Variants in ACYP2 observed in about 807,000 individuals in gnomAD.
ACYP2 encodes the protein acylphosphatase 2.
Under a neutral mutation model 11.2 loss-of-function variants are expected in ACYP2, and 12 were observed. The ratio of observed to expected loss-of-function variants is 1.08; its 90% CI spans 0.69 to 1.74. ACYP2 has a LOEUF of 1.74. Among genes scored for constraint, ACYP2 ranks in the 40% most tolerant of loss-of-function variants. The probability of loss-of-function intolerance (pLI) is 0.00; values close to 1 mark genes in which losing one functional copy is unlikely to be tolerated. For synonymous variants in ACYP2, 43 were observed against 32.2 expected (o/e 1.33, Z -1.13); for missense variants, 134 against 101.9 (o/e 1.31, Z -1.35).
At position 54,249,949 on chromosome 2, in the gene ACYP2, A is replaced by G. The variant is rs913530576; in HGVS notation, c.405-54739A>G. Among the ~76,000 whole-genome samples, 6 of 150,220 alleles carry G rather than the reference A, an allele frequency of 4.0e-5. 1 individual carries two copies. In the South Asian group the frequency reaches 1.2e-3, roughly 31 times the overall value. Reference sequence around the variant, plus strand: ...GAGCAAGACCCTGTCTCAAAAAAAAAAAAAAAAAAAAAAAAAAGAAAACTC... The same window carrying G: ...GAGCAAGACCCTGTCTCAAAAAAAAGAAAAAAAAAAAAAAAAAGAAAACTC... On this transcript the variant is annotated intron_variant, in intron 6 of 6. Transcript: ENST00000607452.
At position 54,185,877 on chromosome 2, in the gene ACYP2, A is replaced by T. The variant is rs563145720; in HGVS notation, c.404+47129A>T. ...AATATGAAGGTGTAGGATCGTCTTG[A>T]AGTATTTAAAACATTATATGCCAAG... On this transcript the variant is annotated intron_variant, in intron 6 of 6. Transcript: ENST00000607452. Among the ~76,000 whole-genome samples, 31 of 152,222 alleles carry T rather than the reference A, an allele frequency of 2.0e-4. No homozygotes were observed. The South Asian group carries it at 6.4e-3, about 32-fold the overall frequency.
At chr2:54,070,898 ATTTG>A (rs112798436) in intron 4 of ACYP2, among the ~76,000 whole-genome samples, 18,022 of 150,174 alleles carry the variant, frequency 0.12, 1,113 homozygotes, top group East Asian at 0.28. Context: ...ACACCCAGCT[ATTTG>A]TTTGTTTGTT....
intron 3 of ACYP2, chr2:54,051,503 G>A (rs1162764167): frequency 7.1e-6 from 5 of 706,380 alleles, no homozygotes; most frequent in Non-Finnish European, 5.2e-6. Context: ...ACTCCTTTGG[G>A]CTTTTTTTCT....
intron 2 of ACYP2, among the ~76,000 whole-genome samples, chr2:53,980,842 C>T (rs1268206612): frequency 6.6e-6 from 1 of 152,018 alleles, no homozygotes; most frequent in African/African-American, 2.4e-5. Context: ...GGGTTAACCT[C>T]CCTAGGCTCA....
intron 6 of ACYP2, among the ~76,000 whole-genome samples, chr2:54,232,210 C>G (rs1686264885): frequency 6.6e-6 from 1 of 152,160 alleles, no homozygotes; most frequent in Non-Finnish European, 1.5e-5. Context: ...CTGTCTTCCT[C>G]CATGGCTCTG....
chr2:54,179,334 G>A (rs1344257042), intron 6 of ACYP2, among the ~76,000 whole-genome samples: 1 of 152,132 alleles, frequency 6.6e-6, no homozygotes, highest in Non-Finnish European at 1.5e-5. Flanking sequence ...CTCCAATTCA[G>A]TTCTGACACT....
intron 2 of ACYP2, chr2:53,975,241 T>C (rs1016191500): frequency 9.0e-5 from 35 of 387,346 alleles, no homozygotes; most frequent in Non-Finnish European, 1.4e-4. Flanking sequence ...AAAAAAAAAA[T>C]TCAGAGAAGC....
At chr2:53,989,057 G>T (rs1672160416) in intron 2 of ACYP2, among the ~76,000 whole-genome samples, 1 of 151,298 alleles carries the variant, frequency 6.6e-6, no homozygotes, top group Non-Finnish European at 1.5e-5. Flanking sequence ...CTGTAATTCA[G>T]TTTTAAATAA....
chr2:54,273,154 TAAATAG>T (rs765574936), intron 6 of ACYP2, among the ~76,000 whole-genome samples: 2 of 151,680 alleles, frequency 1.3e-5, no homozygotes, highest in Non-Finnish European at 2.9e-5. Context: ...TCAAATTTAA[TAAATAG>T]AGTCTGTCCA....
chr2:54,100,554 C>A (rs1351369640), intron 4 of ACYP2, among the ~76,000 whole-genome samples: 1 of 151,962 alleles, frequency 6.6e-6, no homozygotes, highest in Admixed American at 6.6e-5. Context: ...AGAGATCATC[C>A]TGCCTCACTT....
intron 6 of ACYP2, among the ~76,000 whole-genome samples, chr2:54,205,491 T>C (rs1685038362): frequency 6.6e-6 from 1 of 152,222 alleles, no homozygotes; most frequent in South Asian, 2.1e-4. Flanking sequence ...CTACTCCTAT[T>C]ATACATCTAC....
intron 6 of ACYP2, among the ~76,000 whole-genome samples, chr2:54,144,820 C>G (rs1489037264): frequency 6.6e-6 from 1 of 151,890 alleles, no homozygotes; most frequent in Admixed American, 6.6e-5. Flanking sequence ...TTTTAAAAAA[C>G]AGCTTTTAGA....
intron 6 of ACYP2, among the ~76,000 whole-genome samples, chr2:54,288,536 C>G (rs1432053327): frequency 6.6e-6 from 1 of 152,014 alleles, no homozygotes; most frequent in Non-Finnish European, 1.5e-5. Flanking sequence ...GTGCATTTCC[C>G]TCAAAAGGAA....
intron 4 of ACYP2, among the ~76,000 whole-genome samples, chr2:54,073,611 G>A (rs77718386): frequency 0.026 from 3,969 of 152,040 alleles, 167 homozygotes; most frequent in African/African-American, 0.092. Context: ...TCATAGAAGG[G>A]GAGAAAATTT....
At chr2:54,004,534 C>G (rs1249964702) in intron 2 of ACYP2, among the ~76,000 whole-genome samples, 2 of 150,220 alleles carry the variant, frequency 1.3e-5, no homozygotes. Context: ...CCTCAGCCTT[C>G]CAAGTAGCTG....
chr2:53,981,889 ATG>A (rs1671781705), intron 2 of ACYP2, among the ~76,000 whole-genome samples: 1 of 152,170 alleles, frequency 6.6e-6, no homozygotes, highest in African/African-American at 2.4e-5. Context: ...TCATTAAGTG[ATG>A]TATTTATTTA....
At chr2:54,064,893 G>A (rs997522012) in intron 4 of ACYP2, among the ~76,000 whole-genome samples, 14 of 152,234 alleles carry the variant, frequency 9.2e-5, no homozygotes, top group Non-Finnish European at 1.8e-4. Flanking sequence ...AGACCAGCCT[G>A]ACCAACATGG....
chr2:54,143,736 T>G (rs1681734678), intron 6 of ACYP2, among the ~76,000 whole-genome samples: 1 of 91,000 alleles, frequency 1.1e-5, no homozygotes, highest in East Asian at 6.5e-4. Flanking sequence ...CCAGCCGGTT[T>G]TTTTTTTTTT....
intron 4 of ACYP2, among the ~76,000 whole-genome samples, chr2:54,120,170 C>T (rs6721034): frequency 0.1 from 15,091 of 151,598 alleles, 833 homozygotes; most frequent in Non-Finnish European, 0.13. Context: ...TCTTTTTTTT[C>T]TCTCTCTCTT....
Sources: allele counts gnomAD v4.1 joint callset (sites outside exome capture counted in the v4.1 genomes callset), GRCh38; gene constraint gnomAD v4.1.1; transcripts MANE v1.5; gene names NCBI Gene and HGNC (gene_info 2026-07-23, HGNC 2026-07-21).